The following CCDC85A variants were observed in gnomAD, a reference collection of about 807,000 sequenced individuals.
CCDC85A encodes coiled-coil domain containing 85A, also known as coiled-coil domain-containing protein 85A.
CCDC85A carries 38 observed loss-of-function variants against 50.2 expected under a neutral mutation model. The ratio of observed to expected loss-of-function variants is 0.76; its 90% CI spans 0.58 to 0.99. The LOEUF is 0.99. Among genes scored for constraint, CCDC85A ranks in the 50% least tolerant of loss-of-function variants. The pLI, the probability that CCDC85A is intolerant of heterozygous loss-of-function variation, is 0.00. For synonymous variants in CCDC85A, 366 were observed against 301.4 expected, an observed-to-expected ratio of 1.21 and a Z score of -2.22; for missense variants, 820 against 742.0, an observed-to-expected ratio of 1.11 and a Z score of -1.22.
At chr2:56,340,160 T>C (rs1460172264) in intron 2 of CCDC85A, among the ~76,000 whole-genome samples, 1 of 152,210 alleles carries the variant, frequency 6.6e-6, no homozygotes, top group African/African-American at 2.4e-5. Context: ...AGCTTAATTG[T>C]TGTATTTGTG....
chr2:56,189,295 G>GTATTTTTTTTTTTTTTTTTTTTTTTTTT lies in CCDC85A; in HGVS notation c.277-3181_277-3180insATTTTTTTTTTTTTTTTTTTTTTTTTTT, dbSNP rs773078371. ...GCAAAACATGCACGGGGTATTTTTG[G>GTATTTTTTTTTTTTTTTTTTTTTTTTTT]TGTTTTTTTTTTTTTTTGAGACAAG... On this transcript the variant is annotated intron_variant, in intron 1 of 5. Coordinates refer to ENST00000407595, the MANE Select transcript of CCDC85A (RefSeq NM_001080433.2). Among the ~76,000 whole-genome samples, 18 of 100,464 alleles carry GTATTTTTTTTTTTTTTTTTTTTTTTTTT rather than the reference G, an allele frequency of 1.8e-4. 1 individual carries two copies. The highest frequency in any genetic ancestry group is 8.0e-4 in the African/African-American group (18 of 22,400). 65.9% of individuals were successfully genotyped at this position (100,464 alleles called of 152,430 possible). A position where few individuals can be genotyped will look rare whatever the true frequency, so the allele number is the denominator to read the frequency against.
intron 3 of CCDC85A, among the ~76,000 whole-genome samples, chr2:56,367,667 A>G (rs1281336176): frequency 2.6e-5 from 4 of 152,136 alleles, no homozygotes; most frequent in Admixed American, 6.6e-5. Flanking sequence ...GTCTGCAGGC[A>G]TTTTTGCCAA....
intron 2 of CCDC85A, among the ~76,000 whole-genome samples, chr2:56,314,177 CT>C (rs900656879): frequency 4.7e-5 from 7 of 150,340 alleles, no homozygotes; most frequent in African/African-American, 1.7e-4. Context: ...GAAGCAGAGC[CT>C]CAGGATTGTC....
At chr2:56,232,990 C>T (rs1242343575) in intron 2 of CCDC85A, among the ~76,000 whole-genome samples, 6 of 152,174 alleles carry the variant, frequency 3.9e-5, no homozygotes, top group African/African-American at 1.4e-4. Context: ...AGTGCTCCAG[C>T]CCACATTGTC....
intron 3 of CCDC85A, among the ~76,000 whole-genome samples, chr2:56,348,685 A>G (rs890548704): frequency 6.6e-6 from 1 of 152,186 alleles, no homozygotes. Context: ...ATGGCAACAC[A>G]GTGCAGGTCC....
chr2:56,285,238 A>G lies in CCDC85A; in HGVS notation c.1241-57641A>G, dbSNP rs1671381511. Among the ~76,000 whole-genome samples the G allele has an allele frequency of 8.6e-5, 13 of 151,330 alleles. No homozygotes were observed. The South Asian group carries it at 2.7e-3, about 31-fold the overall frequency. On this transcript the variant is annotated intron_variant, in intron 2 of 5. Coordinates refer to ENST00000407595, the MANE Select transcript of CCDC85A (RefSeq NM_001080433.2). ...TGCCTCGGCCTCCCAAGTAGCTGGG[A>G]TTACAGGCGCATGCCACCATGCCCA...
intron 2 of CCDC85A, among the ~76,000 whole-genome samples, chr2:56,313,916 G>A (rs945951008): frequency 4.0e-5 from 6 of 149,046 alleles, no homozygotes; most frequent in African/African-American, 1.5e-4. Flanking sequence ...CCTGTTCAGG[G>A]AGCATGTGAT....
At chr2:56,310,905 G>A (rs1374163044) in intron 2 of CCDC85A, among the ~76,000 whole-genome samples, 1 of 152,152 alleles carries the variant, frequency 6.6e-6, no homozygotes, top group Non-Finnish European at 1.5e-5. Context: ...TTTTCCCAGA[G>A]CTTGAGCCAT....
intron 3 of CCDC85A, among the ~76,000 whole-genome samples, chr2:56,350,295 G>C (rs1404139991): frequency 3.3e-5 from 5 of 151,958 alleles, no homozygotes; most frequent in Non-Finnish European, 7.4e-5. Flanking sequence ...AGCCTCCCGG[G>C]TGCAGTGGCT....
chr2:56,288,271 A>G, intron 2 of CCDC85A, among the ~76,000 whole-genome samples: 1 of 144,436 alleles, frequency 6.9e-6, no homozygotes, highest in East Asian at 2.0e-4. Flanking sequence ...ACTTCCCACC[A>G]CTCCTTACTT....
At chr2:56,227,409 T>G (rs1327097537) in intron 2 of CCDC85A, among the ~76,000 whole-genome samples, 1 of 152,186 alleles carries the variant, frequency 6.6e-6, no homozygotes, top group African/African-American at 2.4e-5. Context: ...TTAAATGATT[T>G]TATTAGTTGT....
At chr2:56,187,658 T>G (rs953260527) in intron 1 of CCDC85A, among the ~76,000 whole-genome samples, 3 of 152,190 alleles carry the variant, frequency 2.0e-5, no homozygotes, top group African/African-American at 7.2e-5. Flanking sequence ...GTTAGATAGT[T>G]TTCTCAAGGT....
Position 56,385,185 on chromosome 2 carries a change from G to A in CCDC85A, c.*830G>A, listed in dbSNP as rs1676765859. The A allele has an allele frequency of 6.6e-6, 1 of 152,098 alleles. No homozygotes were observed. Among genetic ancestry groups the A allele is most frequent in the African/African-American group, 2.4e-5 (1 of 41,330 alleles). The allele number at this position is 152,098 out of a possible 1,614,324, so 9.4% of individuals were successfully genotyped here. On this transcript the variant is annotated 3_prime_UTR_variant, in exon 6 of 6. Coordinates refer to ENST00000407595, the MANE Select transcript of CCDC85A (RefSeq NM_001080433.2). ...AAAACAACAAACATAATTTTTCTAA[G>A]TGTTTCGAGCTGTGAGATGTCAATT...
At chr2:56,327,329 A>G (rs1673526733) in intron 2 of CCDC85A, among the ~76,000 whole-genome samples, 1 of 152,156 alleles carries the variant, frequency 6.6e-6, no homozygotes, top group East Asian at 1.9e-4. Context: ...AATGATGCTA[A>G]TATGCCTGGA....
intron 2 of CCDC85A, among the ~76,000 whole-genome samples, chr2:56,341,807 G>A (rs913328152): frequency 2.0e-5 from 3 of 151,988 alleles, no homozygotes; most frequent in South Asian, 2.1e-4. Flanking sequence ...GAAAAACTTG[G>A]GTCTCTGTCA....
At chr2:56,349,151 A>C (rs748371481) in intron 3 of CCDC85A, among the ~76,000 whole-genome samples, 4 of 152,286 alleles carry the variant, frequency 2.6e-5, no homozygotes, top group Non-Finnish European at 5.9e-5. Flanking sequence ...ACCTGTGTAG[A>C]ATCTGGATGT....
chr2:56,379,911 T>C (rs13423780), intron 5 of CCDC85A: 82,355 of 465,202 alleles, frequency 0.18, 7,773 homozygotes, highest in African/African-American at 0.23. Flanking sequence ...TTAGCTATTG[T>C]TTTATGAATA....
intron 5 of CCDC85A, among the ~76,000 whole-genome samples, chr2:56,377,206 C>G (rs975315828): frequency 1.3e-5 from 2 of 152,160 alleles, no homozygotes; most frequent in Non-Finnish European, 2.9e-5. Context: ...GAGAGGAATT[C>G]CTGGGAAGGC....
At chr2:56,249,274 C>T (rs1309367764) in intron 2 of CCDC85A, among the ~76,000 whole-genome samples, 2 of 152,196 alleles carry the variant, frequency 1.3e-5, no homozygotes, top group Non-Finnish European at 2.9e-5. Flanking sequence ...TGTACCAATG[C>T]CAGACCACAG....
Sources: gnomAD v4.1 joint callset for allele counts (sites outside exome capture counted in the v4.1 genomes callset) on GRCh38, gnomAD v4.1.1 for gene constraint, MANE v1.5 for transcripts, NCBI Gene and HGNC (gene_info 2026-07-23, HGNC 2026-07-21) for gene names.